SIPA1L2: variants seen among roughly 807,000 people sequenced by gnomAD.
SIPA1L2 encodes signal-induced proliferation-associated 1-like protein 2.
A neutral mutation model predicts 163.9 loss-of-function variants in SIPA1L2; 56 were observed. The observed-to-expected ratio is 0.34, with a 90% confidence interval of 0.28 to 0.43. SIPA1L2 has a LOEUF of 0.43. Among genes scored for constraint, SIPA1L2 ranks in the 20% least tolerant of loss-of-function variants. The probability of loss-of-function intolerance (pLI) is 1.00; values close to 1 mark genes in which losing one functional copy is unlikely to be tolerated. For missense variants in SIPA1L2, 1,974 were observed against 2,193.5 expected, an observed-to-expected ratio of 0.90 and a Z score of 2.00; for synonymous variants, 877 against 865.7, an observed-to-expected ratio of 1.01 and a Z score of -0.23.
intron 1 of SIPA1L2, among the ~76,000 whole-genome samples, chr1:232,616,342 G>C (rs909040581): frequency 2.0e-5 from 3 of 152,186 alleles, no homozygotes; most frequent in Non-Finnish European, 4.4e-5. Context: ...GACTAGAACA[G>C]AAGCCCAGGG....
chr1:232,519,808 C>T (rs1667382011), intron 2 of SIPA1L2, among the ~76,000 whole-genome samples: 1 of 152,210 alleles, frequency 6.6e-6, no homozygotes, highest in Non-Finnish European at 1.5e-5. Context: ...CCACCTGCTC[C>T]CTCCTGCCTT....
At chr1:232,518,025 C>A (rs1002982908) in intron 2 of SIPA1L2, among the ~76,000 whole-genome samples, 1 of 152,080 alleles carries the variant, frequency 6.6e-6, no homozygotes, top group South Asian at 2.1e-4. Context: ...CCAGCATGGG[C>A]AACAAAGTGA....
intron 1 of SIPA1L2, among the ~76,000 whole-genome samples, chr1:232,575,974 C>T (rs1330060289): frequency 6.6e-6 from 1 of 152,144 alleles, no homozygotes; most frequent in Non-Finnish European, 1.5e-5. Context: ...TAGAGTAAGT[C>T]AAATTCATAA....
chr1:232,565,310 T>C (rs936337196), intron 2 of SIPA1L2, among the ~76,000 whole-genome samples: 8 of 152,220 alleles, frequency 5.3e-5, no homozygotes, highest in African/African-American at 1.7e-4. Context: ...TTTCACTAAA[T>C]CAAACTGTTT....
At chr1:232,613,130 C>T (rs1662335301) in intron 1 of SIPA1L2, among the ~76,000 whole-genome samples, 2 of 152,122 alleles carry the variant, frequency 1.3e-5, no homozygotes, top group South Asian at 2.1e-4. Flanking sequence ...CTGAGGCCTC[C>T]GCAGCCATGT....
chr1:232,623,772 C>T, intron 1 of SIPA1L2, among the ~76,000 whole-genome samples: 1 of 152,024 alleles, frequency 6.6e-6, no homozygotes, highest in East Asian at 1.9e-4. Context: ...TCAGAAATGT[C>T]TTCGGGAAAA....
intron 10 of SIPA1L2, 25 bp from the exon 11 acceptor site, chr1:232,445,811 A>T: frequency 6.2e-7 from 1 of 1,603,498 alleles, no homozygotes; most frequent in East Asian, 2.2e-5. Context: ...AGAAATGGTG[A>T]GAAGGGAAGC....
Position 232,514,013 on chromosome 1 carries a change from C to T in SIPA1L2, c.1327G>A (p.Glu443Lys), listed in dbSNP as rs773137860. Residue 443 changes from glutamate (E) to lysine (K), a missense_variant, in exon 3 of 23, where the codon GAA becomes AAA. Glu to Lys is a moderately conservative substitution (Grantham distance 56, BLOSUM62 1). Coordinates refer to ENST00000674635, the MANE Select transcript of SIPA1L2 (RefSeq NM_020808.5). ...SFSSGESCSF[E>K]SSLSSHCTNA... ...GTGCAGTGAGAGCTGAGTGACGATT[C>T]GAAAGAGCAGCTTTCCCCAGAACTG... 1.9e-6 allele frequency: 3 copies of T among 1,614,174 alleles called. No individual in the cohort carries two copies. The highest frequency in any genetic ancestry group is 2.2e-5 in the East Asian group (1 of 44,876).
At chr1:232,473,008 G>A (rs2102950243) in intron 7 of SIPA1L2, among the ~76,000 whole-genome samples, 1 of 152,274 alleles carries the variant, frequency 6.6e-6, no homozygotes, top group East Asian at 1.9e-4. Flanking sequence ...TCATCTTACT[G>A]TCTGAGTGAA....
At chr1:232,426,463 A>G (rs530360004) in intron 17 of SIPA1L2, among the ~76,000 whole-genome samples, 1 of 152,252 alleles carries the variant, frequency 6.6e-6, no homozygotes, top group Non-Finnish European at 1.5e-5. Context: ...GATCAAGACC[A>G]TTCTGGCTAA....
chr1:232,573,865 A>G (rs1379599473), intron 2 of SIPA1L2, among the ~76,000 whole-genome samples: 1 of 152,142 alleles, frequency 6.6e-6, no homozygotes, highest in Non-Finnish European at 1.5e-5. Flanking sequence ...CCATGTAGAT[A>G]ACACACAAAC....
At chr1:232,457,784 C>G (rs1448796939) in intron 10 of SIPA1L2, among the ~76,000 whole-genome samples, 1 of 152,100 alleles carries the variant, frequency 6.6e-6, no homozygotes, top group East Asian at 1.9e-4. Flanking sequence ...ATGCTGAGCG[C>G]GAGGGTGAAA....
chr1:232,615,428 C>G (rs747514748), intron 1 of SIPA1L2, among the ~76,000 whole-genome samples: 4 of 152,156 alleles, frequency 2.6e-5, no homozygotes, highest in Non-Finnish European at 5.9e-5. Flanking sequence ...CTATTTGCCC[C>G]GACCCCATCC....
chr1:232,493,811 G>T, intron 3 of SIPA1L2, 151 bp from the exon 4 acceptor site: 4 of 1,031,060 alleles, frequency 3.9e-6, no homozygotes, highest in East Asian at 2.5e-5. Context: ...CAAGTCTTCT[G>T]GTTTCCAGTT....
At chr1:232,562,700 T>C (rs1427256186) in intron 2 of SIPA1L2, among the ~76,000 whole-genome samples, 5 of 152,196 alleles carry the variant, frequency 3.3e-5, no homozygotes, top group Admixed American at 6.5e-5. Context: ...AATAAATGTT[T>C]ACTACTGACT....
intron 1 of SIPA1L2, among the ~76,000 whole-genome samples, chr1:232,577,357 T>C (rs1243814437): frequency 6.6e-6 from 1 of 152,210 alleles, no homozygotes; most frequent in Admixed American, 6.5e-5. Flanking sequence ...TGCATCTGGT[T>C]ATCCGAGACC....
intron 1 of SIPA1L2, among the ~76,000 whole-genome samples, chr1:232,574,496 T>C (rs1239108171): frequency 6.6e-6 from 1 of 152,216 alleles, no homozygotes; most frequent in African/African-American, 2.4e-5. Context: ...TTAATGAAAT[T>C]TGCAAAAGTA....
Position 232,443,659 on chromosome 1 carries a change from G to C in SIPA1L2, c.3380C>G (p.Ser1127Cys), listed in dbSNP as rs752529819. The change falls in exon 12 of 23, where the codon TCC becomes TGC. Residue 1127 changes from serine (S) to cysteine (C), a missense_variant. By Grantham distance (112) the Ser-to-Cys change is moderately radical. Around this residue, in one of 3 missense-constraint regions of SIPA1L2, gnomAD observed 1,079 missense variants for 1,150.7 expected, o/e 0.94. Transcript: ENST00000674635. ...GCTCCCGCCGGGTCCAGGGTCGCTG[G>C]AGGATGACTGGTTGCTGGGTGAGCT... ...TRSSPSNQSS[S>C]SDPGPGGSGP... 1 of 1,609,132 alleles carries C rather than the reference G, an allele frequency of 6.2e-7. No homozygotes were observed. The highest frequency in any genetic ancestry group is 1.1e-5 in the South Asian group (1 of 89,924).
intron 3 of SIPA1L2, among the ~76,000 whole-genome samples, chr1:232,509,585 T>C (rs532239440): frequency 1.3e-5 from 2 of 152,278 alleles, no homozygotes; most frequent in African/African-American, 2.4e-5. Flanking sequence ...ACCCAACTCA[T>C]GATGTTTGCA....
Sources: allele counts gnomAD v4.1 joint callset (sites outside exome capture counted in the v4.1 genomes callset), GRCh38; gene constraint gnomAD v4.1.1; regional missense constraint gnomAD v4.1.1; transcripts MANE v1.5; gene names NCBI Gene and HGNC (gene_info 2026-07-23, HGNC 2026-07-21).